The following CFB variants were observed in gnomAD, a reference collection of about 807,000 sequenced individuals.
The protein encoded by CFB is complement factor B.
In CFB, 59 loss-of-function variants were observed where a neutral mutation model predicts 97.2. That is an observed-to-expected ratio of 0.61 (90% CI 0.49 to 0.75). The LOEUF (loss-of-function observed/expected upper bound fraction) is 0.75, where lower values mean the gene tolerates loss of function less well. Ranked by LOEUF, CFB falls within the 30% of genes least tolerant of loss-of-function variation. The probability of loss-of-function intolerance (pLI) is 0.00; values close to 1 mark genes in which losing one functional copy is unlikely to be tolerated. For missense variants in CFB, 771 were observed against 959.8 expected, an observed-to-expected ratio of 0.80 and a Z score of 2.60; for synonymous variants, 316 against 351.7, an observed-to-expected ratio of 0.90 and a Z score of 1.14.
Position 31,946,674 on chromosome 6 carries a change from C to A in CFB, c.298+68C>A. ...AGGGCAGGCGGCAGCAAGGTCAGGA[C>A]TAGGATGAGACTAGGCAGGGTGACA... On this transcript the variant is annotated intron_variant, in intron 2 of 17. Transcript: ENST00000425368. The surrounding 1 kb of genome is among the most constrained non-coding windows in gnomAD (Gnocchi z 6.4). The A allele has an allele frequency of 1.4e-6, 2 of 1,419,846 alleles. No homozygotes were observed. The highest frequency in any genetic ancestry group is 1.9e-6 in the Non-Finnish European group (2 of 1,028,250). The allele number at this position is 1,419,846 out of a possible 1,614,324, so 88.0% of individuals were successfully genotyped here.
rs765719030 is a variant in CFB at position 31,951,621 on chromosome 6, CT to C, written c.2139+18del. On this transcript the variant is annotated intron_variant, in intron 17 of 17. Coordinates refer to ENST00000425368, the MANE Select transcript of CFB (RefSeq NM_001710.6). This position sits in a 1 kb window ranked among gnomAD's most constrained non-coding sequence, Gnocchi z 4.3. Reference sequence around the variant, plus strand: ...TTCATTCAAGTGAGTCCTCCCTTTCCTATCTGGGGAGATGCCAAGTGGTCAG... The same window carrying C: ...TTCATTCAAGTGAGTCCTCCCTTTCCATCTGGGGAGATGCCAAGTGGTCAG... 1 of 1,614,164 alleles carries C rather than the reference CT, an allele frequency of 6.2e-7. No individual in the cohort carries two copies. Among genetic ancestry groups the C allele is most frequent in the African/African-American group, 1.3e-5 (1 of 75,048 alleles).
rs772575430 is a variant in CFB, at chr6:31,948,446, G to T, written c.970G>T (p.Val324Leu). ...CACATACCCCAAAATTTGGGTCAAA[G>T]TGTCTGAAGCAGACAGCAGTAATGC... Reference protein sequence around the residue: ...YATYPKIWVKVSEADSSNADW... With the variant: ...YATYPKIWVKLSEADSSNADW... Residue 324 changes from valine (V) to leucine (L), a missense_variant, in exon 7 of 18, where the codon GTG (valine) becomes TTG (leucine). Transcript: ENST00000425368. The T allele has an allele frequency of 6.2e-7, 1 of 1,614,224 alleles. No homozygotes were observed. Among genetic ancestry groups the T allele is most frequent in the Non-Finnish European group, 8.5e-7 (1 of 1,180,048 alleles).
intron 6 of CFB, 125 bp from the exon 7 acceptor site, chr6:31,948,249 C>T (rs1771558758): frequency 1.3e-6 from 2 of 1,505,342 alleles, no homozygotes; most frequent in African/African-American, 1.4e-5. Flanking sequence ...ACTGGTAATT[C>T]CTCCATGAAC....
rs779015009 is a variant in CFB at position 31,951,868 on chromosome 6, T to C, written c.2140-7T>C. The C allele has an allele frequency of 6.2e-7, 1 of 1,613,248 alleles. No homozygotes were observed. The highest frequency in any genetic ancestry group is 8.5e-7 in the Non-Finnish European group (1 of 1,180,044). On this transcript the variant is annotated splice_region_variant and splice_polypyrimidine_tract_variant and intron_variant, in intron 17 of 17. Transcript: ENST00000425368. This position sits in a 1 kb window ranked among gnomAD's most constrained non-coding sequence, Gnocchi z 4.3. ...GAATGATCCATGGCACCCCACTGCCTCTGCAGGTTGGTGTAATCAGCTGGG... is the reference window on the plus strand; with the variant it reads ...GAATGATCCATGGCACCCCACTGCCCCTGCAGGTTGGTGTAATCAGCTGGG...
Position 31,947,227 on chromosome 6 carries a change from C to T in CFB, c.484+35C>T, listed in dbSNP as rs531231240. 6.2e-7 allele frequency: 1 copy of T among 1,611,660 alleles called. No homozygotes were observed. The highest frequency in any genetic ancestry group is 2.2e-5 in the East Asian group (1 of 44,878). ...ATCCCCTCCCCCTACATTGCTGTCT[C>T]CCTGACGGCGCCCAGCCCGAGGAGT... On this transcript the variant is annotated intron_variant, in intron 3 of 17. Coordinates refer to ENST00000425368, the MANE Select transcript of CFB (RefSeq NM_001710.6). The surrounding 1 kb of genome is among the most constrained non-coding windows in gnomAD (Gnocchi z 5.3).
rs755581383 is a variant in CFB, at chr6:31,948,427, C to T, written c.951C>T (p.Tyr317=). 2 of 1,614,172 alleles carry T rather than the reference C, an allele frequency of 1.2e-6. No homozygotes were observed. Among genetic ancestry groups the T allele is most frequent in the East Asian group, 2.2e-5 (1 of 44,886 alleles). The part of the protein sequence containing the change: ...PRYGLVTYAT[Y]PKIWVKVSEA... Reference sequence around the variant, plus strand: ...ATGGTCTAGTGACATATGCCACATACCCCAAAATTTGGGTCAAAGTGTCTG... The same window carrying T: ...ATGGTCTAGTGACATATGCCACATATCCCAAAATTTGGGTCAAAGTGTCTG... The change falls in exon 7 of 18, where the codon TAC becomes TAT. Residue 317 remains tyrosine, a synonymous_variant. Coordinates refer to ENST00000425368, the MANE Select transcript of CFB (RefSeq NM_001710.6).
Position 31,946,761 on chromosome 6 carries a change from A to G in CFB, c.298+155A>G. 1 of 831,998 alleles carries G rather than the reference A, an allele frequency of 1.2e-6. No individual in the cohort carries two copies. The highest frequency in any genetic ancestry group is 1.4e-5 in the South Asian group (1 of 69,424). 51.5% of individuals were successfully genotyped at this position (831,998 alleles called of 1,614,324 possible). A position where few individuals can be genotyped will look rare whatever the true frequency, so the allele number is the denominator to read the frequency against. On this transcript the variant is annotated intron_variant, in intron 2 of 17. Coordinates refer to ENST00000425368, the MANE Select transcript of CFB (RefSeq NM_001710.6). The surrounding 1 kb of genome is among the most constrained non-coding windows in gnomAD (Gnocchi z 6.4). ...GGCAGGCGGAAAGGGGGCAAGAAAA[A>G]GCGGAGTTAACCCTTACTAAGCATT...
chr6:31,946,174 A>G lies in CFB; in HGVS notation c.-48A>G, dbSNP rs1243181779. 1 of 1,601,054 alleles carries G rather than the reference A, an allele frequency of 6.2e-7. No homozygotes were observed. The highest frequency in any genetic ancestry group is 1.1e-5 in the South Asian group (1 of 90,876). On this transcript the variant is annotated 5_prime_UTR_variant, in exon 1 of 18. Transcript: ENST00000425368. The surrounding 1 kb of genome is among the most constrained non-coding windows in gnomAD (Gnocchi z 6.4). Reference sequence around the variant, plus strand: ...AAGCAGACAAGCAAAGCAAGCCAGGACACACCATCCTGCCCCAGGCCCAGC... The same window carrying G: ...AAGCAGACAAGCAAAGCAAGCCAGGGCACACCATCCTGCCCCAGGCCCAGC...
chr6:31,947,851 G>A lies in CFB; in HGVS notation c.760+8G>A. The A allele has an allele frequency of 6.2e-7, 1 of 1,614,026 alleles. No homozygotes were observed. The highest frequency in any genetic ancestry group is 1.1e-5 in the South Asian group (1 of 91,084). On this transcript the variant is annotated splice_region_variant and intron_variant, in intron 5 of 17. Coordinates refer to ENST00000425368, the MANE Select transcript of CFB (RefSeq NM_001710.6). This position sits in a 1 kb window ranked among gnomAD's most constrained non-coding sequence, Gnocchi z 5.3. ...AGGATGGGCACGGCCCAGGTTTGAA[G>A]ACAGAGAAGGGAGGCAGGGCAGGGA... is the stretch of plus-strand genomic sequence containing the variant.
At position 31,950,037 on chromosome 6, in the gene CFB, C is replaced by T; in HGVS notation, c.1409-13C>T. On this transcript the variant is annotated splice_polypyrimidine_tract_variant and intron_variant, in intron 10 of 17. Transcript: ENST00000425368. ...GTGTTCCGAGTTTTCAGCACATTCT[C>T]CTTCTCTGCCAGATGAAAGCCAGTC... is the stretch of plus-strand genomic sequence containing the variant. 6.2e-7 allele frequency: 1 copy of T among 1,612,712 alleles called. No homozygotes were observed. Among genetic ancestry groups the T allele is most frequent in the Non-Finnish European group, 8.5e-7 (1 of 1,179,698 alleles).
At position 31,946,649 on chromosome 6, in the gene CFB, A is replaced by C. The variant is rs748555196; in HGVS notation, c.298+43A>C. On this transcript the variant is annotated intron_variant, in intron 2 of 17. Coordinates refer to ENST00000425368, the MANE Select transcript of CFB (RefSeq NM_001710.6). This position sits in a 1 kb window ranked among gnomAD's most constrained non-coding sequence, Gnocchi z 6.4. ...GTGGGCAGTGGCCTAAGGCAGAAAC[A>C]GGGCAGGCGGCAGCAAGGTCAGGAC... 7 of 1,562,944 alleles carry C rather than the reference A, an allele frequency of 4.5e-6. No individual in the cohort carries two copies. The South Asian group carries it at 7.8e-5, about 17-fold the overall frequency.
Position 31,947,540 on chromosome 6 carries a change from C to T in CFB, c.658+19C>T. On this transcript the variant is annotated intron_variant, in intron 4 of 17. Coordinates refer to ENST00000425368, the MANE Select transcript of CFB (RefSeq NM_001710.6). This position sits in a 1 kb window ranked among gnomAD's most constrained non-coding sequence, Gnocchi z 5.3. ...TGCCAAGGTGACCTTTGACCTGTACCCCCAGGTCAGATCCTGGTCTTCCAT... is the reference window on the plus strand; with the variant it reads ...TGCCAAGGTGACCTTTGACCTGTACTCCCAGGTCAGATCCTGGTCTTCCAT... 1 of 1,612,388 alleles carries T rather than the reference C, an allele frequency of 6.2e-7. No individual in the cohort carries two copies. The highest frequency in any genetic ancestry group is 8.5e-7 in the Non-Finnish European group (1 of 1,179,606).
Position 31,947,095 on chromosome 6 carries a change from C to T in CFB, c.387C>T (p.Phe129=). Residue 129 remains phenylalanine (F), a synonymous_variant, in exon 3 of 18, where the codon TTC becomes TTT. Coordinates refer to ENST00000425368, the MANE Select transcript of CFB (RefSeq NM_001710.6). The surrounding 1 kb of genome is among the most constrained non-coding windows in gnomAD (Gnocchi z 5.3). ...ACAATGTGAGTGATGAGATCTCTTTCCACTGCTATGACGGTTACACTCTCC... is the reference window on the plus strand; with the variant it reads ...ACAATGTGAGTGATGAGATCTCTTTTCACTGCTATGACGGTTACACTCTCC... ...PYYNVSDEIS[F]HCYDGYTLRG... 6.2e-7 allele frequency: 1 copy of T among 1,613,036 alleles called. No individual in the cohort carries two copies. The highest frequency in any genetic ancestry group is 1.1e-5 in the South Asian group (1 of 91,084).
intron 11 of CFB, 31 bp downstream of exon 11, chr6:31,950,178 G>C (rs758084832): frequency 1.9e-6 from 3 of 1,611,034 alleles, no homozygotes; most frequent in African/African-American, 2.7e-5. Flanking sequence ...GTGGGGACTT[G>C]GGGGAGGTGA....
At chr6:31,948,346 C>A (rs370396376) in intron 6 of CFB, 28 bp from the exon 7 acceptor site, 466 of 1,614,070 alleles carry the variant, frequency 2.9e-4, no homozygotes, top group Middle Eastern at 4.9e-4. Context: ...TTTTCAATGC[C>A]ATGGCGCCTT....
At position 31,950,346 on chromosome 6, in the gene CFB, A is replaced by G. The variant is rs1451928935; in HGVS notation, c.1567A>G (p.Thr523Ala). The G allele has an allele frequency of 6.2e-7, 1 of 1,612,990 alleles. No homozygotes were observed. The highest frequency in any genetic ancestry group is 1.3e-5 in the African/African-American group (1 of 74,916). The change falls in exon 12 of 18, where the codon ACA becomes GCA. Residue 523 changes from threonine to alanine, a missense_variant. Thr to Ala is a moderately conservative substitution (Grantham distance 58). Transcript: ENST00000425368. Reference sequence around the variant, plus strand: ...TGTGGTGTCTGAGTACTTTGTGCTGACAGCAGCACATTGTTTCACTGTGGA... The same window carrying G: ...TGTGGTGTCTGAGTACTTTGTGCTGGCAGCAGCACATTGTTTCACTGTGGA... ...GAVVSEYFVL[T>A]AAHCFTVDDK...
chr6:31,946,159 G>A lies in CFB; in HGVS notation c.-63G>A. 1.3e-6 allele frequency: 2 copies of A among 1,573,438 alleles called. No individual in the cohort carries two copies. Among genetic ancestry groups the A allele is most frequent in the Non-Finnish European group, 1.7e-6 (2 of 1,144,192 alleles). On this transcript the variant is annotated 5_prime_UTR_variant, in exon 1 of 18. Transcript: ENST00000425368. The surrounding 1 kb of genome is among the most constrained non-coding windows in gnomAD (Gnocchi z 6.4). ...CTTGGACACTGAGCCAAGCAGACAA[G>A]CAAAGCAAGCCAGGACACACCATCC...
At chr6:31,948,336 T>C in intron 6 of CFB, 38 bp from the exon 7 acceptor site, 1 of 1,614,098 alleles carries the variant, frequency 6.2e-7, no homozygotes, top group Non-Finnish European at 8.5e-7. Context: ...CAGTATTCTA[T>C]TTTCAATGCC....
chr6:31,948,949 C>T lies in CFB; in HGVS notation c.1156C>T (p.Leu386Phe). The T allele has an allele frequency of 6.2e-7, 1 of 1,613,010 alleles. No individual in the cohort carries two copies. The highest frequency in any genetic ancestry group is 1.3e-5 in the African/African-American group (1 of 75,004). ...GAACCGCACCCGCCATGTCATCATC[C>T]TCATGACTGATGGTCAGAAGGGACC... ...GWNRTRHVII[L>F]MTDGLHNMGG... Residue 386 changes from leucine to phenylalanine, a missense_variant, in exon 8 of 18, where the codon CTC (leucine) becomes TTC (phenylalanine). Physicochemically the swap from Leu to Phe is conservative, Grantham distance 22 (BLOSUM62 0). Coordinates refer to ENST00000425368, the MANE Select transcript of CFB (RefSeq NM_001710.6).
Sources: gnomAD v4.1 joint callset for allele counts on GRCh38, gnomAD v4.1.1 for gene constraint, Gnocchi (gnomAD v3.1) non-coding constraint, MANE v1.5 for transcripts, NCBI Gene and HGNC (gene_info 2026-07-23, HGNC 2026-07-21) for gene names.